The following TUBGCP6 variants were observed in gnomAD, a reference collection of about 807,000 sequenced individuals.
TUBGCP6 encodes the protein tubulin gamma complex component 6.
A neutral mutation model predicts 175.8 loss-of-function variants in TUBGCP6; 161 were observed. The observed-to-expected ratio is 0.92, with a 90% CI of 0.81 to 1.04. TUBGCP6 has a LOEUF of 1.04. Ranked by LOEUF, TUBGCP6 falls within the 50% of genes least tolerant of loss-of-function variation. The probability of loss-of-function intolerance (pLI) is 0.00; values close to 1 mark genes in which losing one functional copy is unlikely to be tolerated. For missense variants in TUBGCP6, 2,572 were observed against 2,433.0 expected (o/e 1.06, Z -1.20); for synonymous variants, 1,173 against 1,030.5 (o/e 1.14, Z -2.65).
intron 5 of TUBGCP6, 93 bp downstream of exon 5, chr22:50,227,814 C>T: frequency 6.7e-7 from 1 of 1,502,628 alleles, no homozygotes; most frequent in East Asian, 2.5e-5. Context: ...CACAGGCCCT[C>T]CTTGCCAGGG....
chr22:50,227,334 C>G (rs1214428651), intron 5 of TUBGCP6, among the ~76,000 whole-genome samples: 1 of 152,106 alleles, frequency 6.6e-6, no homozygotes, highest in African/African-American at 2.4e-5. Flanking sequence ...CTCCCAGGAT[C>G]TGGCCAACAC....
intron 10 of TUBGCP6, among the ~76,000 whole-genome samples, chr22:50,225,363 G>A (rs916758854): frequency 1.1e-4 from 17 of 152,042 alleles, no homozygotes; most frequent in African/African-American, 4.1e-4. Flanking sequence ...GCCCGTCCCT[G>A]ACACACTGTC....
In TUBGCP6 at chr22:50,221,606, A is replaced by G. The variant is rs777400145; in HGVS notation, c.2753T>C (p.Leu918Pro). The G allele has an allele frequency of 1.3e-5, 20 of 1,562,114 alleles. No homozygotes were observed. In the East Asian group the frequency reaches 4.5e-4, roughly 35 times the overall value. Reference sequence around the variant, plus strand: ...GTTAATGGTCTGCAGCGCCACCTCCAGGAGAGGGACCATGCCAGTCTGCAC... The same window carrying G: ...GTTAATGGTCTGCAGCGCCACCTCCGGGAGAGGGACCATGCCAGTCTGCAC... Reference protein sequence around the residue: ...PSVQTGMVPLLEVALQTINLD... With the variant: ...PSVQTGMVPLPEVALQTINLD... The change falls in exon 16 of 25, where the codon CTG becomes CCG. Residue 918 changes from leucine (L) to proline (P), a missense_variant. Coordinates refer to ENST00000248846, the MANE Select transcript of TUBGCP6 (RefSeq NM_020461.4).
At chr22:50,231,315 G>A (rs980742519) in intron 3 of TUBGCP6, among the ~76,000 whole-genome samples, 5 of 151,292 alleles carry the variant, frequency 3.3e-5, no homozygotes, top group Admixed American at 1.3e-4. Context: ...TTAGCCAGGC[G>A]TGGTAGTCCA....
chr22:50,240,601 G>A (rs1054165309), intron 1 of TUBGCP6, among the ~76,000 whole-genome samples: 5 of 152,188 alleles, frequency 3.3e-5, no homozygotes, highest in African/African-American at 1.2e-4. Context: ...AGCCTCAGTG[G>A]AACTTAGAGT....
intron 4 of TUBGCP6, 131 bp from the exon 5 acceptor site, chr22:50,228,159 T>C (rs2064640099): frequency 2.7e-6 from 3 of 1,125,224 alleles, no homozygotes; most frequent in African/African-American, 1.6e-5. Context: ...TTCCAAGCAA[T>C]GGGCCTCTGT....
At chr22:50,228,526 A>G (rs980886883) in intron 4 of TUBGCP6, among the ~76,000 whole-genome samples, 1 of 152,156 alleles carries the variant, frequency 6.6e-6, no homozygotes, top group African/African-American at 2.4e-5. Context: ...GGTCACACTA[A>G]GACAGGGGCA....
In TUBGCP6 at chr22:50,221,877, G is replaced by T. The variant is rs751249134; in HGVS notation, c.2485-3C>A. 6.6e-6 allele frequency: 10 copies of T among 1,515,420 alleles called. No homozygotes were observed. Among genetic ancestry groups the T allele is most frequent in the Non-Finnish European group, 8.8e-6 (10 of 1,131,910 alleles). The allele number at this position is 1,515,420 out of a possible 1,614,324, so 93.9% of individuals were successfully genotyped here. A position where few individuals can be genotyped will look rare whatever the true frequency, so the allele number is the denominator to read the frequency against. ...TGCTCAGGGCCCGGAGACGTGACCT[G>T]AAACACAGGTGACATCAGACCCAGT... On this transcript the variant is annotated splice_region_variant and splice_polypyrimidine_tract_variant and intron_variant, in intron 15 of 24. Coordinates refer to ENST00000248846, the MANE Select transcript of TUBGCP6 (RefSeq NM_020461.4).
intron 3 of TUBGCP6, among the ~76,000 whole-genome samples, chr22:50,230,273 C>A (rs2064670885): frequency 6.6e-6 from 1 of 151,642 alleles, no homozygotes; most frequent in Non-Finnish European, 1.5e-5. Flanking sequence ...AGTCTGAGAC[C>A]AGCCTGGGCA....
intron 1 of TUBGCP6, among the ~76,000 whole-genome samples, chr22:50,241,922 C>T (rs569737098): frequency 4.3e-5 from 6 of 140,630 alleles, no homozygotes; most frequent in African/African-American, 1.3e-4. Context: ...CTCTGGTCTC[C>T]GCATATGGAG....
chr22:50,244,308 TGAA>T lies in TUBGCP6; in HGVS notation c.149_151del (p.Phe50_Gln51delinsTer). 6.2e-6 allele frequency: 10 copies of T among 1,613,662 alleles called. No individual in the cohort carries two copies. The highest frequency in any genetic ancestry group is 8.5e-6 in the Non-Finnish European group (10 of 1,180,032). On this transcript the variant is annotated stop_gained and inframe_deletion, in exon 1 of 25. Transcript: ENST00000248846. LOFTEE classifies it high-confidence loss of function. ...AGGCTGCAGCTGTTGAGTCTCATCT[TGAA>T]AAAGATTTGTGAAAAGAGCATTGTA... is the stretch of plus-strand genomic sequence containing the variant.
At chr22:50,227,254 G>A (rs945982740) in intron 5 of TUBGCP6, among the ~76,000 whole-genome samples, 177 bp from the exon 6 acceptor site, 4 of 151,414 alleles carry the variant, frequency 2.6e-5, no homozygotes, top group African/African-American at 9.7e-5. Context: ...TGCAGGACTC[G>A]TGTGCAGCCC....
rs1380909839 is a variant in TUBGCP6 at position 50,218,611 on chromosome 22, G to A, written c.4831C>T (p.Pro1611Ser). ...CCCTCGGTGATGACAATGTTGAGAGGCCAGTCCACCTGCCAGGAGGCGTGG... is the reference window on the plus strand; with the variant it reads ...CCCTCGGTGATGACAATGTTGAGAGACCAGTCCACCTGCCAGGAGGCGTGG... ...CLELRYKVDW[P>S]LNIVITEGCV... The change falls in exon 22 of 25, where the codon CCT (proline) becomes TCT (serine). Residue 1611 changes from proline to serine, a missense_variant. Coordinates refer to ENST00000248846, the MANE Select transcript of TUBGCP6 (RefSeq NM_020461.4). The A allele has an allele frequency of 4.3e-6, 7 of 1,613,600 alleles. No individual in the cohort carries two copies. The highest frequency in any genetic ancestry group is 2.2e-5 in the East Asian group (1 of 44,890).
chr22:50,236,190 C>A (rs2064776752), intron 2 of TUBGCP6, among the ~76,000 whole-genome samples: 1 of 151,996 alleles, frequency 6.6e-6, no homozygotes, highest in East Asian at 1.9e-4. Context: ...GGCTGGAGTG[C>A]AGTGGCACGA....
At chr22:50,242,382 A>C (rs1232256218) in intron 1 of TUBGCP6, among the ~76,000 whole-genome samples, 1 of 152,212 alleles carries the variant, frequency 6.6e-6, no homozygotes, top group Non-Finnish European at 1.5e-5. Flanking sequence ...CTGTAGTCCC[A>C]GATACTTAGG....
At chr22:50,229,359 C>G (rs749370762) in intron 4 of TUBGCP6, 45 bp downstream of exon 4, 1 of 1,595,982 alleles carries the variant, frequency 6.3e-7, no homozygotes, top group Non-Finnish European at 8.6e-7. Flanking sequence ...GTCGTGTGCA[C>G]CGTTCTCACA....
intron 4 of TUBGCP6, among the ~76,000 whole-genome samples, chr22:50,228,298 TCC>T (rs1158390154): frequency 6.7e-6 from 1 of 148,682 alleles, no homozygotes; most frequent in Non-Finnish European, 1.5e-5. Flanking sequence ...CACCAACCCT[TCC>T]TCTCATCTGA....
chr22:50,244,288 G>A lies in TUBGCP6; in HGVS notation c.172C>T (p.Gln58Ter). 2 of 1,613,678 alleles carry A rather than the reference G, an allele frequency of 1.2e-6. No individual in the cohort carries two copies. The highest frequency in any genetic ancestry group is 1.7e-6 in the Non-Finnish European group (2 of 1,180,044). Reference sequence around the variant, plus strand: ...GCTGGTAGTTTTGACATGTCAGGCTGCAGCTGTTGAGTCTCATCTTGAAAA... The same window carrying A: ...GCTGGTAGTTTTGACATGTCAGGCTACAGCTGTTGAGTCTCATCTTGAAAA... Reference protein sequence around the residue: ...NLFQDETQQLQPDMSKLPARN... With the variant: ...NLFQDETQQL The change falls in exon 1 of 25, where the codon CAG becomes TAG. Residue 58 changes from glutamine to a stop codon, truncating the protein, a stop_gained. Transcript: ENST00000248846. LOFTEE classifies it high-confidence loss of function.
intron 7 of TUBGCP6, 115 bp downstream of exon 7, chr22:50,226,618 G>T: frequency 1.0e-6 from 1 of 983,262 alleles, no homozygotes; most frequent in Non-Finnish European, 1.5e-6. Context: ...CACCTATCCT[G>T]CCCTCCCCTT....
Sources: gnomAD v4.1 joint callset for allele counts (sites outside exome capture counted in the v4.1 genomes callset) on GRCh38, gnomAD v4.1.1 for gene constraint, MANE v1.5 for transcripts, NCBI Gene and HGNC (gene_info 2026-07-23, HGNC 2026-07-21) for gene names.